Variants in DLGAP1 observed in about 807,000 individuals in gnomAD.
DLGAP1 encodes the protein DLG associated protein 1, also known as disks large-associated protein 1.
DLGAP1 carries 11 observed loss-of-function variants against 90.8 expected under a neutral mutation model. The observed-to-expected ratio is 0.12, with a 90% CI of 0.08 to 0.20. The LOEUF is 0.20. DLGAP1 is among the 10% of genes least tolerant of loss of function. The pLI is 1.00. For synonymous variants in DLGAP1, 558 were observed against 540.7 expected (o/e 1.03, Z -0.44); for missense variants, 1,050 against 1,333.8 (o/e 0.79, Z 3.31).
chr18:4,318,734 G>A (rs1025030191), intron 1 of DLGAP1, among the ~76,000 whole-genome samples: 5 of 152,186 alleles, frequency 3.3e-5, no homozygotes, highest in African/African-American at 1.2e-4. Context: ...AAAACTCAGT[G>A]TACTCATCTG....
At chr18:4,219,027 GTTTTTTTTTT>G (rs34333673) in intron 1 of DLGAP1, among the ~76,000 whole-genome samples, 1,760 of 92,038 alleles carry the variant, frequency 0.019, 16 homozygotes, top group South Asian at 0.036. Flanking sequence ...TTCTATCTTT[GTTTTTTTTTT>G]TTTTTTTTTT....
At chr18:3,667,119 C>T (rs2059913172) in intron 7 of DLGAP1, among the ~76,000 whole-genome samples, 1 of 150,568 alleles carries the variant, frequency 6.6e-6, no homozygotes, top group Non-Finnish European at 1.5e-5. Context: ...CACTCTGTTG[C>T]CCAGGCTGGA....
intron 2 of DLGAP1, among the ~76,000 whole-genome samples, chr18:4,102,118 CTGA>C: frequency 6.6e-6 from 1 of 152,202 alleles, no homozygotes; most frequent in South Asian, 2.1e-4. Context: ...TGAAAATAAT[CTGA>C]TGAAGGAGTA....
Position 3,685,896 on chromosome 18 carries a change from G to A in DLGAP1, c.1591+43239C>T, listed in dbSNP as rs1270922960. Among the ~76,000 whole-genome samples, 8 of 152,170 alleles carry A rather than the reference G, an allele frequency of 5.3e-5. No individual in the cohort carries two copies. The South Asian group carries it at 8.3e-4, about 16-fold the overall frequency. On this transcript the variant is annotated intron_variant, in intron 7 of 12. Coordinates refer to ENST00000315677, the MANE Select transcript of DLGAP1 (RefSeq NM_004746.4). ...ATTTAGAAAGGGAATGCTGTAGGCC[G>A]GAGGCAGTGGCTCATGCCTGGAATC...
chr18:3,560,496 A>T (rs2054022482), intron 9 of DLGAP1, among the ~76,000 whole-genome samples: 2 of 146,892 alleles, frequency 1.4e-5, no homozygotes, highest in East Asian at 4.0e-4. Context: ...AGGCTGATGC[A>T]GGAGAATTTC....
intron 1 of DLGAP1, among the ~76,000 whole-genome samples, chr18:4,343,168 G>T (rs186833542): frequency 1.2e-3 from 178 of 152,050 alleles, no homozygotes; most frequent in African/African-American, 4.1e-3. Context: ...TTAGCCGGGC[G>T]TGGTGGCAGG....
intron 1 of DLGAP1, among the ~76,000 whole-genome samples, chr18:4,321,978 AC>A (rs2080699773): frequency 6.6e-6 from 1 of 151,856 alleles, no homozygotes; most frequent in African/African-American, 2.4e-5. Context: ...GGGGTGGATC[AC>A]ATGAGGTCTC....
rs141737088 is a variant in DLGAP1 at position 4,260,535 on chromosome 18, C to A, written c.-266-109248G>T. On this transcript the variant is annotated intron_variant, in intron 1 of 12. Coordinates refer to ENST00000315677, the MANE Select transcript of DLGAP1 (RefSeq NM_004746.4). Reference sequence around the variant, plus strand: ...GCCTGTCTTAGTCTTCTCACAGATTCTTCAAGTCTCCATTTTAATTTATTA... The same window carrying A: ...GCCTGTCTTAGTCTTCTCACAGATTATTCAAGTCTCCATTTTAATTTATTA... Among the ~76,000 whole-genome samples the A allele has an allele frequency of 4.6e-5, 7 of 152,224 alleles. No homozygotes were observed. In the East Asian group the frequency reaches 1.3e-3, roughly 29 times the overall value.
chr18:3,781,204 A>T (rs1274678414), intron 5 of DLGAP1, among the ~76,000 whole-genome samples: 1 of 152,108 alleles, frequency 6.6e-6, no homozygotes, highest in Non-Finnish European at 1.5e-5. Context: ...TTGTTTTTTA[A>T]TAGATAATTT....
chr18:3,625,507 T>G (rs1371268399), intron 7 of DLGAP1, among the ~76,000 whole-genome samples: 1 of 152,224 alleles, frequency 6.6e-6, no homozygotes, highest in Non-Finnish European at 1.5e-5. Flanking sequence ...GATTAGATGT[T>G]GGACAACTTC....
At chr18:4,233,893 A>T (rs2078349426) in intron 1 of DLGAP1, among the ~76,000 whole-genome samples, 1 of 152,288 alleles carries the variant, frequency 6.6e-6, no homozygotes, top group Admixed American at 6.5e-5. Context: ...TTTTAATACA[A>T]ATAAACATAA....
At chr18:3,693,584 T>C (rs933079181) in intron 7 of DLGAP1, among the ~76,000 whole-genome samples, 2 of 152,216 alleles carry the variant, frequency 1.3e-5, no homozygotes, top group Non-Finnish European at 2.9e-5. Context: ...CTGAAGATGA[T>C]TAAAAAGAAA....
intron 7 of DLGAP1, chr18:3,603,948 A>G (rs1044866980): frequency 2.6e-5 from 4 of 154,428 alleles, no homozygotes; most frequent in Non-Finnish European, 5.9e-5. Flanking sequence ...AAGCTATGAA[A>G]AGAGGCAGGA....
At chr18:4,242,687 C>A (rs767700711) in intron 1 of DLGAP1, among the ~76,000 whole-genome samples, 2 of 152,062 alleles carry the variant, frequency 1.3e-5, no homozygotes, top group Non-Finnish European at 2.9e-5. Context: ...ATGGGTAATA[C>A]CCACCTGAGG....
At chr18:3,561,514 C>T (rs1269420428) in intron 9 of DLGAP1, among the ~76,000 whole-genome samples, 1 of 148,968 alleles carries the variant, frequency 6.7e-6, no homozygotes, top group East Asian at 1.9e-4. Context: ...TTCCTTCTCT[C>T]AGAAGAACTT....
chr18:4,277,230 G>T (rs1301557280), intron 1 of DLGAP1, among the ~76,000 whole-genome samples: 1 of 152,118 alleles, frequency 6.6e-6, no homozygotes, highest in African/African-American at 2.4e-5. Context: ...ATCTAATAAT[G>T]CTGCAAATTT....
chr18:3,768,948 G>T (rs2064385133), intron 5 of DLGAP1, among the ~76,000 whole-genome samples: 1 of 152,122 alleles, frequency 6.6e-6, no homozygotes, highest in African/African-American at 2.4e-5. Flanking sequence ...AAAAACTTTA[G>T]CTCTGTGAAA....
intron 1 of DLGAP1, among the ~76,000 whole-genome samples, chr18:4,206,838 A>G (rs1183093278): frequency 1.3e-5 from 2 of 152,230 alleles, no homozygotes; most frequent in Non-Finnish European, 2.9e-5. Flanking sequence ...GCAAAAATGA[A>G]GTCACAAAAG....
At chr18:4,086,506 C>T (rs531232049) in intron 2 of DLGAP1, among the ~76,000 whole-genome samples, 4 of 152,272 alleles carry the variant, frequency 2.6e-5, no homozygotes, top group Admixed American at 1.3e-4. Flanking sequence ...ATGTTGTGTT[C>T]TCATTTTAAT....
Sources: gnomAD v4.1 joint callset for allele counts (sites outside exome capture counted in the v4.1 genomes callset) on GRCh38, gnomAD v4.1.1 for gene constraint, MANE v1.5 for transcripts, NCBI Gene and HGNC (gene_info 2026-07-23, HGNC 2026-07-21) for gene names.